NCOR2: variants seen among roughly 807,000 people sequenced by gnomAD.
The protein encoded by NCOR2 is CTG repeat protein 26.
In NCOR2, 81 loss-of-function variants were observed where a neutral mutation model predicts 262.9. That is an observed-to-expected ratio of 0.31 (90% CI 0.26 to 0.37). NCOR2 has a LOEUF of 0.37. Among genes scored for constraint, NCOR2 ranks in the 10% least tolerant of loss-of-function variants. The probability of loss-of-function intolerance (pLI) is 1.00; values close to 1 mark genes in which losing one functional copy is unlikely to be tolerated. For missense variants in NCOR2, 3,385 were observed against 3,621.4 expected (o/e 0.93, Z 1.68); for synonymous variants, 1,659 against 1,559.3 (o/e 1.06, Z -1.51).
At chr12:124,385,936 G>C in intron 16 of NCOR2, 49 bp from the exon 19 acceptor site, 1 of 1,590,376 alleles carries the variant, frequency 6.3e-7, no homozygotes, top group Non-Finnish European at 8.6e-7. Flanking sequence ...CCGGCACGCA[G>C]AGGGGGCCTG....
chr12:124,372,047 C>T (rs764342136), exon 20 of NCOR2: 1 of 1,599,348 alleles, frequency 6.3e-7, no homozygotes, highest in Non-Finnish European at 8.5e-7. Flanking sequence ...CCCTCGGCCT[C>T]ATCCACCTCG....
At chr12:124,418,407 G>GC (rs1565925115) in intron 13 of NCOR2, among the ~76,000 whole-genome samples, 2 of 152,152 alleles carry the variant, frequency 1.3e-5, no homozygotes, top group Admixed American at 6.5e-5. Flanking sequence ...CTGGGACCCC[G>GC]CCCCCAACCC....
intron 13 of NCOR2, among the ~76,000 whole-genome samples, chr12:124,406,450 C>A (rs1371089521): frequency 6.6e-6 from 1 of 152,186 alleles, no homozygotes; most frequent in African/African-American, 2.4e-5. Context: ...AGGAGTGAGG[C>A]CTTCAAGAAT....
At chr12:124,405,019 G>T (rs1295399609) in intron 13 of NCOR2, among the ~76,000 whole-genome samples, 2 of 152,052 alleles carry the variant, frequency 1.3e-5, no homozygotes, top group Admixed American at 1.3e-4. Flanking sequence ...TGCCCCCAGA[G>T]CCCCCGCTGA....
chr12:124,484,480 C>T (rs2047671201), intron 2 of NCOR2, among the ~76,000 whole-genome samples: 1 of 152,232 alleles, frequency 6.6e-6, no homozygotes, highest in South Asian at 2.1e-4. Flanking sequence ...CCAACCATCA[C>T]CCACCAGAAA....
chr12:124,546,756 G>A (rs2051557352), intron 1 of NCOR2, among the ~76,000 whole-genome samples: 2 of 152,004 alleles, frequency 1.3e-5, no homozygotes, highest in Non-Finnish European at 2.9e-5. Flanking sequence ...GTAGCATGAT[G>A]AGATCTTGCA....
chr12:124,518,954 G>A (rs2050005967), intron 1 of NCOR2, among the ~76,000 whole-genome samples: 1 of 152,182 alleles, frequency 6.6e-6, no homozygotes. Context: ...GATGGCCAGA[G>A]GAGCAGGCTC....
intron 7 of NCOR2, among the ~76,000 whole-genome samples, chr12:124,439,496 G>A (rs904091058): frequency 6.7e-6 from 1 of 149,440 alleles, no homozygotes; most frequent in African/African-American, 2.5e-5. Flanking sequence ...GAGAAAGAGG[G>A]AAACAGAGAC....
At chr12:124,388,962 A>C (rs2041057308) in intron 16 of NCOR2, 1 of 719,176 alleles carries the variant, frequency 1.4e-6, no homozygotes, top group Non-Finnish European at 1.9e-6. Flanking sequence ...GCAGCTCCTC[A>C]CAAGTCCGCC....
intron 25 of NCOR2, 30 bp downstream of exon 27, chr12:124,354,807 C>T (rs1207706096): frequency 1.3e-6 from 2 of 1,599,728 alleles, no homozygotes; most frequent in Non-Finnish European, 1.7e-6. Context: ...CCAGCCTGAG[C>T]CACCCAGACG....
chr12:124,375,356 C>T (rs1354342817), intron 18 of NCOR2, among the ~76,000 whole-genome samples: 1 of 152,186 alleles, frequency 6.6e-6, no homozygotes, highest in Non-Finnish European at 1.5e-5. Flanking sequence ...TCACAGTTAT[C>T]AAGGGGGTCT....
At chr12:124,556,130 T>C (rs536697371) in intron 1 of NCOR2, 2 of 152,290 alleles carry the variant, frequency 1.3e-5, no homozygotes, top group Non-Finnish European at 2.9e-5. Flanking sequence ...TGTTCACCCG[T>C]GGAGCTCAGA....
chr12:124,477,588 A>G (rs2047173419), intron 3 of NCOR2, among the ~76,000 whole-genome samples: 1 of 152,070 alleles, frequency 6.6e-6, no homozygotes, highest in Non-Finnish European at 1.5e-5. Context: ...CTACAAGCCA[A>G]CGAGCTCTTC....
intron 20 of NCOR2, among the ~76,000 whole-genome samples, chr12:124,370,254 ACAGGGT>A (rs1294154895): frequency 6.6e-6 from 1 of 152,190 alleles, no homozygotes; most frequent in Middle Eastern, 3.2e-3. Flanking sequence ...TTTGCTCATC[ACAGGGT>A]CAGGGTCAGG....
chr12:124,502,944 G>C (rs1167804584), intron 1 of NCOR2, among the ~76,000 whole-genome samples: 1 of 152,180 alleles, frequency 6.6e-6, no homozygotes, highest in Non-Finnish European at 1.5e-5. Flanking sequence ...GCAGGAATGA[G>C]GCCAGACTCC....
chr12:124,453,471 G>A (rs963327113), intron 6 of NCOR2, among the ~76,000 whole-genome samples: 1 of 152,202 alleles, frequency 6.6e-6, no homozygotes, highest in South Asian at 2.1e-4. Context: ...CACTCAGAGG[G>A]CAGAAAGAGG....
At chr12:124,332,499 C>T (rs2035281811) in intron 42 of NCOR2, 32 bp from the exon 45 acceptor site, 1 of 1,613,614 alleles carries the variant, frequency 6.2e-7, no homozygotes. Context: ...CATCAGCTCA[C>T]TTGGTGCCGA....
Position 124,531,860 on chromosome 12 carries a change from T to C in NCOR2, c.-118+3705A>G, listed in dbSNP as rs1436021722. 7.2e-6 allele frequency among the ~76,000 whole-genome samples: 1 copy of C among 138,152 alleles called. No individual in the cohort carries two copies. The highest frequency in any genetic ancestry group is 1.5e-5 in the Non-Finnish European group (1 of 65,064). The allele number at this position is 138,152 out of a possible 152,430, so 90.6% of individuals were successfully genotyped here. On this transcript the variant is annotated intron_variant, in intron 1 of 46. Transcript: ENST00000404621. This position sits in a 1 kb window ranked among gnomAD's most constrained non-coding sequence, Gnocchi z 4.5. ...ACACCGGACCCCTCACCCCAATGTA[T>C]AGACAATCCCAGACACCCACCTCCC...
At chr12:124,477,648 G>A (rs970286571) in intron 3 of NCOR2, among the ~76,000 whole-genome samples, 2 of 152,232 alleles carry the variant, frequency 1.3e-5, no homozygotes, top group African/African-American at 4.8e-5. Context: ...TGAAAAAGAA[G>A]AGGCAAACCC....
Sources: gnomAD v4.1 joint callset for allele counts (sites outside exome capture counted in the v4.1 genomes callset) on GRCh38, gnomAD v4.1.1 for gene constraint, Gnocchi (gnomAD v3.1) non-coding constraint, MANE v1.5 for transcripts, NCBI Gene and HGNC (gene_info 2026-07-23, HGNC 2026-07-21) for gene names.